SPAST: variants seen among roughly 807,000 people sequenced by gnomAD.
SPAST encodes the protein spastic paraplegia 4 (autosomal dominant; spastin).
SPAST carries 30 observed loss-of-function variants against 76.6 expected under a neutral mutation model. That is an observed-to-expected ratio of 0.39 (90% CI 0.29 to 0.53). The LOEUF (loss-of-function observed/expected upper bound fraction) is 0.53, where lower values mean the gene tolerates loss of function less well. Ranked by LOEUF, SPAST falls within the 20% of genes least tolerant of loss-of-function variation. SPAST has a pLI of 0.68. For synonymous variants in SPAST, 305 were observed against 281.0 expected (o/e 1.09, Z -0.86); for missense variants, 717 against 770.5 (o/e 0.93, Z 0.82).
At position 32,098,811 on chromosome 2, in the gene SPAST, T is replaced by A. The variant is rs1553311831; in HGVS notation, c.602T>A (p.Val201Asp). 1 of 1,613,194 alleles carries A rather than the reference T, an allele frequency of 6.2e-7. No individual in the cohort carries two copies. Among genetic ancestry groups the A allele is most frequent in the Non-Finnish European group, 8.5e-7 (1 of 1,179,262 alleles). ...RLQLLEKMQP[V>D]LPFSKSQTDV... ...TGTTGCATAGAGAAGATGCAACCAG[T>A]TTTGCCATTTTCCAAGTCACAAACG... The change falls in exon 4 of 17, where the codon GTT (valine) becomes GAT (aspartate). Residue 201 changes from valine to aspartate, a missense_variant. Transcript: ENST00000315285.
chr2:32,109,531 AT>A (rs1158332179), intron 4 of SPAST, among the ~76,000 whole-genome samples: 3 of 149,622 alleles, frequency 2.0e-5, no homozygotes, highest in East Asian at 3.9e-4. Context: ...TCTTTTTGCT[AT>A]TTTTTTCTCT....
intron 4 of SPAST, among the ~76,000 whole-genome samples, chr2:32,103,319 T>A (rs982086883): frequency 6.6e-6 from 1 of 152,208 alleles, no homozygotes; most frequent in African/African-American, 2.4e-5. Context: ...GATATCCCCT[T>A]TATCATTTCT....
chr2:32,097,989 C>T (rs1196360949), intron 3 of SPAST, among the ~76,000 whole-genome samples: 2 of 152,080 alleles, frequency 1.3e-5, no homozygotes, highest in Non-Finnish European at 1.5e-5. Flanking sequence ...TGAGCCACTG[C>T]GCCTGGCTGT....
rs534686025 is a variant in SPAST at position 32,153,203 on chromosome 2, G to A, written c.1729-1171G>A. ...GTTTTTAAAATACGGATAAATACCA[G>A]TTGTTGGAGTTTTGTTTAAAGTTCT... On this transcript the variant is annotated intron_variant, in intron 16 of 16. Coordinates refer to ENST00000315285, the MANE Select transcript of SPAST (RefSeq NM_014946.4). Among the ~76,000 whole-genome samples, 3 of 152,192 alleles carry A rather than the reference G, an allele frequency of 2.0e-5. No homozygotes were observed. In the South Asian group the frequency reaches 6.2e-4, roughly 32 times the overall value.
chr2:32,079,286 T>C (rs2148701388), intron 1 of SPAST, among the ~76,000 whole-genome samples: 1 of 152,014 alleles, frequency 6.6e-6, no homozygotes. Flanking sequence ...GGAGGCTAAG[T>C]GGGAGTATCA....
At chr2:32,137,314 C>A in intron 12 of SPAST, 126 bp downstream of exon 12, 1 of 806,576 alleles carries the variant, frequency 1.2e-6, no homozygotes, top group Admixed American at 1.9e-5. Flanking sequence ...CCAGTACTAT[C>A]TCTAGCCTCT....
chr2:32,066,558 C>G (rs1455763959), intron 1 of SPAST, among the ~76,000 whole-genome samples: 1 of 151,988 alleles, frequency 6.6e-6, no homozygotes, highest in Non-Finnish European at 1.5e-5. Flanking sequence ...GTCCCAGCTA[C>G]TCAGGAGGCT....
intron 4 of SPAST, among the ~76,000 whole-genome samples, chr2:32,107,562 A>G (rs1325489102): frequency 1.3e-5 from 2 of 152,148 alleles, no homozygotes; most frequent in Non-Finnish European, 2.9e-5. Context: ...CAAATATCCA[A>G]AACTTTTTGA....
chr2:32,122,704 C>A (rs1230908425), intron 7 of SPAST, among the ~76,000 whole-genome samples: 2 of 151,700 alleles, frequency 1.3e-5, no homozygotes, highest in South Asian at 2.1e-4. Context: ...CTTTCAGAGG[C>A]CAAGGCAGGA....
At chr2:32,088,711 TA>T (rs869232747) in intron 2 of SPAST, among the ~76,000 whole-genome samples, 3 of 125,646 alleles carry the variant, frequency 2.4e-5, no homozygotes, top group African/African-American at 8.6e-5. Context: ...CCAGTAAGAG[TA>T]AAAAACAATT....
intron 3 of SPAST, among the ~76,000 whole-genome samples, chr2:32,093,911 T>C (rs1462210039): frequency 1.3e-5 from 2 of 152,188 alleles, no homozygotes; most frequent in Admixed American, 6.5e-5. Flanking sequence ...TAAGCTTTGC[T>C]CTAAGGTTCA....
intron 5 of SPAST, 27 bp downstream of exon 5, chr2:32,114,852 C>T: frequency 6.3e-7 from 1 of 1,591,106 alleles, no homozygotes; most frequent in South Asian, 1.1e-5. Context: ...ACTTTAATTG[C>T]TGTCTTTTTG....
intron 9 of SPAST, among the ~76,000 whole-genome samples, chr2:32,135,191 A>G (rs945095098): frequency 5.4e-5 from 8 of 147,524 alleles, no homozygotes; most frequent in African/African-American, 1.3e-4. Context: ...GTGCAGTGGT[A>G]CCATCTCGGC....
intron 16 of SPAST, among the ~76,000 whole-genome samples, chr2:32,152,776 A>G (rs754588914): frequency 6.6e-6 from 1 of 150,726 alleles, no homozygotes; most frequent in Non-Finnish European, 1.5e-5. Flanking sequence ...GAGACAGGGT[A>G]TCACTCTGTC....
At chr2:32,078,825 T>C (rs959555673) in intron 1 of SPAST, among the ~76,000 whole-genome samples, 3 of 152,204 alleles carry the variant, frequency 2.0e-5, no homozygotes, top group Admixed American at 1.3e-4. Flanking sequence ...TTACCATATT[T>C]TGGAATTTTT....
intron 4 of SPAST, among the ~76,000 whole-genome samples, chr2:32,104,857 C>T (rs1276082929): frequency 2.6e-5 from 4 of 152,120 alleles, no homozygotes; most frequent in Non-Finnish European, 5.9e-5. Context: ...GTGGGTAACC[C>T]GACCTTTCTC....
chr2:32,086,255 C>T (rs1677469857), intron 1 of SPAST, among the ~76,000 whole-genome samples: 1 of 151,650 alleles, frequency 6.6e-6, no homozygotes, highest in African/African-American at 2.4e-5. Flanking sequence ...CCTAGGAGTT[C>T]AAGACCAGCC....
chr2:32,092,385 A>G (rs1237217793), intron 3 of SPAST, among the ~76,000 whole-genome samples: 2 of 152,222 alleles, frequency 1.3e-5, no homozygotes, highest in African/African-American at 2.4e-5. Context: ...TATATAAAGT[A>G]TATATCATAC....
intron 2 of SPAST, among the ~76,000 whole-genome samples, chr2:32,088,635 ACT>A (rs1161099359): frequency 1.3e-5 from 2 of 152,130 alleles, no homozygotes; most frequent in Non-Finnish European, 2.9e-5. Flanking sequence ...CAAGAGTGAA[ACT>A]CTGTCTCAGA....
Sources: gnomAD v4.1 joint callset for allele counts (sites outside exome capture counted in the v4.1 genomes callset) on GRCh38, gnomAD v4.1.1 for gene constraint, MANE v1.5 for transcripts, NCBI Gene and HGNC (gene_info 2026-07-23, HGNC 2026-07-21) for gene names.